LRCH1: variants seen among roughly 807,000 people sequenced by gnomAD.
The protein encoded by LRCH1 is leucine rich repeats and calponin homology domain containing 1.
Under a neutral mutation model 94.9 loss-of-function variants are expected in LRCH1, and 23 were observed. The ratio of observed to expected loss-of-function variants is 0.24; its 90% confidence interval spans 0.17 to 0.34. The LOEUF (loss-of-function observed/expected upper bound fraction) is 0.34. Ranked by LOEUF, LRCH1 falls within the 10% of genes least tolerant of loss-of-function variation. The pLI, the probability that LRCH1 is intolerant of heterozygous loss-of-function variation, is 1.00. For missense variants in LRCH1, 790 were observed against 945.9 expected (o/e 0.84, Z 2.16); for synonymous variants, 364 against 354.9 (o/e 1.03, Z -0.29).
At chr13:46,633,576 G>A (rs1251416002) in intron 1 of LRCH1, among the ~76,000 whole-genome samples, 4 of 152,220 alleles carry the variant, frequency 2.6e-5, no homozygotes, top group Admixed American at 1.3e-4. Context: ...AGTTGTGAGG[G>A]GAAAGAGACA....
In LRCH1 at chr13:46,553,352, C is replaced by T. The variant is rs981237639; in HGVS notation, c.-45C>T. On this transcript the variant is annotated 5_prime_UTR_variant, in exon 1 of 20. Coordinates refer to ENST00000389797, the MANE Select transcript of LRCH1 (RefSeq NM_001164211.2). ...TTCCCCTCGCGGGGAACGCTGTGAC[C>T]CCCCCGCAGGAGCGGCGGGGCGGGG... 1 of 1,471,026 alleles carries T rather than the reference C, an allele frequency of 6.8e-7. No homozygotes were observed. Among genetic ancestry groups the T allele is most frequent in the Non-Finnish European group, 9.1e-7 (1 of 1,097,740 alleles). 91.1% of individuals were successfully genotyped at this position (1,471,026 alleles called of 1,614,324 possible). A position where few individuals can be genotyped will look rare whatever the true frequency, so the allele number is the denominator to read the frequency against.
chr13:46,654,598 AG>A, intron 2 of LRCH1, among the ~76,000 whole-genome samples: 1 of 152,346 alleles, frequency 6.6e-6, no homozygotes, highest in South Asian at 2.1e-4. Context: ...TATCCAACAT[AG>A]AAGTATATAA....
At position 46,553,651 on chromosome 13, in the gene LRCH1, A is replaced by G; in HGVS notation, c.255A>G (p.Glu85=). The G allele has an allele frequency of 6.2e-7, 1 of 1,607,910 alleles. No homozygotes were observed. The highest frequency in any genetic ancestry group is 8.5e-7 in the Non-Finnish European group (1 of 1,178,014). Residue 85 remains glutamate, a synonymous_variant, in exon 1 of 20, where the codon GAA becomes GAG. Coordinates refer to ENST00000389797, the MANE Select transcript of LRCH1 (RefSeq NM_001164211.2). ...ACCTGAGCGCCAGGAAATTGAAGGA[A>G]TTTCCCCGTACCGCAGCCCCCGGGC... The part of the protein sequence containing the change: ...GLNLSARKLK[E]FPRTAAPGHD...
chr13:46,573,866 A>ATATATATATTT, intron 1 of LRCH1, among the ~76,000 whole-genome samples: 7 of 63,394 alleles, frequency 1.1e-4, no homozygotes, highest in Admixed American at 2.1e-4. Flanking sequence ...ATATATATAT[A>ATATATATATTT]TTTTTTTTTT....
At chr13:46,709,838 AAGG>A (rs1871965860) in intron 13 of LRCH1, among the ~76,000 whole-genome samples, 1 of 152,138 alleles carries the variant, frequency 6.6e-6, no homozygotes, top group South Asian at 2.1e-4. Flanking sequence ...GATTTTAAAA[AAGG>A]AGGGGAATAG....
chr13:46,636,132 C>T (rs185473157), intron 1 of LRCH1, among the ~76,000 whole-genome samples: 19 of 137,906 alleles, frequency 1.4e-4, no homozygotes, highest in Admixed American at 1.1e-3. Flanking sequence ...TGCAATGGCA[C>T]GATCTCGGCT....
chr13:46,723,585 A>C (rs1202727204), intron 17 of LRCH1, among the ~76,000 whole-genome samples: 1 of 152,154 alleles, frequency 6.6e-6, no homozygotes, highest in African/African-American at 2.4e-5. Context: ...CTGATCACTT[A>C]AGTCCAGGAG....
intron 9 of LRCH1, among the ~76,000 whole-genome samples, chr13:46,696,173 C>T (rs1045432954): frequency 2.7e-5 from 4 of 150,400 alleles, no homozygotes; most frequent in Admixed American, 6.7e-5. Context: ...ATGCTGCACC[C>T]GCGTGCATGC....
At chr13:46,625,145 G>A (rs542629495) in intron 1 of LRCH1, among the ~76,000 whole-genome samples, 26 of 152,324 alleles carry the variant, frequency 1.7e-4, no homozygotes, top group Non-Finnish European at 3.4e-4. Flanking sequence ...GCCTAGTGGC[G>A]CCCTGTTGGC....
intron 1 of LRCH1, among the ~76,000 whole-genome samples, chr13:46,632,663 G>A (rs2051033156): frequency 6.6e-6 from 1 of 152,032 alleles, no homozygotes; most frequent in Admixed American, 6.5e-5. Context: ...TCCATAAACA[G>A]TATCTCTTTT....
At chr13:46,704,391 T>C (rs1282461012) in intron 11 of LRCH1, among the ~76,000 whole-genome samples, 1 of 152,116 alleles carries the variant, frequency 6.6e-6, no homozygotes, top group Non-Finnish European at 1.5e-5. Context: ...GAAAATTTAG[T>C]TGGCTATTGC....
Position 46,574,212 on chromosome 13 carries a change from C to T in LRCH1, c.307+20509C>T, listed in dbSNP as rs148257337. Among the ~76,000 whole-genome samples the T allele has an allele frequency of 4.1e-3, 615 of 151,750 alleles. 5 individuals carry two copies. The highest frequency in any genetic ancestry group is 0.013 in the African/African-American group (553 of 41,372). On this transcript the variant is annotated intron_variant, in intron 1 of 19. Coordinates refer to ENST00000389797, the MANE Select transcript of LRCH1 (RefSeq NM_001164211.2). ...ACAGTAACCTAAAGAGTATAATTAT[C>T]CTTTGTAACACAAAGGATAAATGCT...
At chr13:46,636,794 G>A (rs919143481) in intron 1 of LRCH1, among the ~76,000 whole-genome samples, 3 of 152,148 alleles carry the variant, frequency 2.0e-5, no homozygotes, top group Non-Finnish European at 2.9e-5. Context: ...GCTGGCCTGT[G>A]TTTTCCTTCT....
At chr13:46,738,672 T>C (rs1873508024) in intron 19 of LRCH1, among the ~76,000 whole-genome samples, 1 of 152,236 alleles carries the variant, frequency 6.6e-6, no homozygotes, top group African/African-American at 2.4e-5. Flanking sequence ...ACTAACACTT[T>C]GTGGAAGGAT....
intron 13 of LRCH1, among the ~76,000 whole-genome samples, chr13:46,709,841 G>A (rs924991650): frequency 6.6e-6 from 1 of 152,088 alleles, no homozygotes; most frequent in Non-Finnish European, 1.5e-5. Flanking sequence ...TTTAAAAAAG[G>A]AGGGGAATAG....
At position 46,730,568 on chromosome 13, in the gene LRCH1, C is replaced by T. The variant is rs567862776; in HGVS notation, c.2007+1584C>T. Among the ~76,000 whole-genome samples the T allele has an allele frequency of 3.9e-5, 6 of 152,262 alleles. No individual in the cohort carries two copies. The South Asian group carries it at 6.2e-4, about 16-fold the overall frequency. ...TTAGTTTCTTATCTATCATATTGAA[C>T]ATATTTTTCTTTCAAAGGTTCAACC... On this transcript the variant is annotated intron_variant, in intron 18 of 19. Coordinates refer to ENST00000389797, the MANE Select transcript of LRCH1 (RefSeq NM_001164211.2).
At chr13:46,731,468 T>A (rs1167890781) in intron 18 of LRCH1, among the ~76,000 whole-genome samples, 1 of 152,094 alleles carries the variant, frequency 6.6e-6, no homozygotes, top group African/African-American at 2.4e-5. Flanking sequence ...TGATCTCAAG[T>A]AATCTGCCCG....
intron 1 of LRCH1, among the ~76,000 whole-genome samples, chr13:46,620,879 T>A (rs186619976): frequency 6.6e-6 from 1 of 152,362 alleles, no homozygotes; most frequent in African/African-American, 2.4e-5. Flanking sequence ...ATGGGGGACA[T>A]ATCATTACCT....
At chr13:46,561,473 G>C (rs2050129299) in intron 1 of LRCH1, among the ~76,000 whole-genome samples, 2 of 152,096 alleles carry the variant, frequency 1.3e-5, no homozygotes, top group Admixed American at 1.3e-4. Flanking sequence ...CTAATCTTCT[G>C]GCTTCTCATG....
Sources: allele counts gnomAD v4.1 joint callset (sites outside exome capture counted in the v4.1 genomes callset), GRCh38; gene constraint gnomAD v4.1.1; transcripts MANE v1.5; gene names NCBI Gene and HGNC (gene_info 2026-07-23, HGNC 2026-07-21).